Variants in HERC6 observed in about 807,000 individuals in gnomAD.
The protein encoded by HERC6 is HECT and RLD domain containing E3 ubiquitin protein ligase family member 6, also known as probable E3 ubiquitin-protein ligase HERC6.
In HERC6, 101 loss-of-function variants were observed where a neutral mutation model predicts 114.5. The ratio of observed to expected loss-of-function variants is 0.88; its 90% CI spans 0.75 to 1.04. The LOEUF (loss-of-function observed/expected upper bound fraction) is 1.04, where lower values mean the gene tolerates loss of function less well. Ranked by LOEUF, HERC6 falls within the 50% of genes least tolerant of loss-of-function variation. The pLI is 0.00. For missense variants in HERC6, 1,133 were observed against 1,230.9 expected, an observed-to-expected ratio of 0.92 and a Z score of 1.19; for synonymous variants, 408 against 436.2, an observed-to-expected ratio of 0.94 and a Z score of 0.81.
chr4:88,404,828 T>C, intron 8 of HERC6, 48 bp from the exon 9 acceptor site: 1 of 1,604,118 alleles, frequency 6.2e-7, no homozygotes, highest in South Asian at 1.1e-5. Flanking sequence ...AATTTACTAC[T>C]GAACGTGTGT....
intron 7 of HERC6, 103 bp downstream of exon 7, chr4:88,397,090 T>C: frequency 1.1e-6 from 1 of 917,376 alleles, no homozygotes; most frequent in Non-Finnish European, 1.5e-6. Flanking sequence ...GTAGTTCCCC[T>C]AGTACTTTTA....
chr4:88,385,959 T>G (rs551607935), intron 3 of HERC6, among the ~76,000 whole-genome samples: 4 of 152,240 alleles, frequency 2.6e-5, no homozygotes, highest in African/African-American at 9.6e-5. Flanking sequence ...TCTATATTTT[T>G]TCTTTTTAAA....
intron 1 of HERC6, among the ~76,000 whole-genome samples, chr4:88,382,027 GAA>G (rs778410066): frequency 1.2e-4 from 18 of 152,072 alleles, no homozygotes; most frequent in Non-Finnish European, 2.2e-4. Flanking sequence ...CCCTCATTTG[GAA>G]ATGAAGGGCA....
At chr4:88,401,022 A>G in intron 8 of HERC6, among the ~76,000 whole-genome samples, 1 of 152,112 alleles carries the variant, frequency 6.6e-6, no homozygotes, top group Admixed American at 6.6e-5. Flanking sequence ...ACCAGTGCAT[A>G]GTTTATTTTT....
chr4:88,396,471 A>G (rs1022592187), intron 6 of HERC6, among the ~76,000 whole-genome samples: 1 of 152,198 alleles, frequency 6.6e-6, no homozygotes, highest in East Asian at 1.9e-4. Flanking sequence ...GCAGAAGATG[A>G]TGTATATTTA....
intron 17 of HERC6, among the ~76,000 whole-genome samples, chr4:88,432,996 G>C (rs1738394785): frequency 6.6e-6 from 1 of 152,068 alleles, no homozygotes; most frequent in Non-Finnish European, 1.5e-5. Context: ...GCTGAGGCAG[G>C]AGAACTGCTT....
rs1296289253 is a variant in HERC6, at chr4:88,440,018, C to CA, written c.2701dup (p.Ile901AsnfsTer5). On this transcript the variant is annotated frameshift_variant, in exon 21 of 23. Transcript: ENST00000264346. LOFTEE classifies it high-confidence loss of function. ...ACCCTGAAGAACTAATGACAGCAAT[C>CA]ATTGGAAATACTGATTATGACTGGA... 6.2e-7 allele frequency: 1 copy of CA among 1,610,906 alleles called. No homozygotes were observed. Among genetic ancestry groups the CA allele is most frequent in the Non-Finnish European group, 8.5e-7 (1 of 1,179,136 alleles).
At chr4:88,393,262 G>A (rs1247570756) in intron 4 of HERC6, among the ~76,000 whole-genome samples, 1 of 148,278 alleles carries the variant, frequency 6.7e-6, no homozygotes, top group South Asian at 2.1e-4. Flanking sequence ...TTATGTTAAT[G>A]AATTATAAAA....
chr4:88,408,622 T>C lies in HERC6; in HGVS notation c.1368+5T>C. On this transcript the variant is annotated splice_donor_5th_base_variant and intron_variant, in intron 11 of 22. Transcript: ENST00000264346. The stretch of plus-strand genomic sequence containing the variant: ...AAGGAATGGATTTCTTCCATGGTAA[T>C]AGCCAATACTTACTTTAGATATAGA... The C allele has an allele frequency of 1.3e-6, 2 of 1,507,718 alleles. No homozygotes were observed. Among genetic ancestry groups the C allele is most frequent in the Admixed American group, 1.9e-5 (1 of 53,008 alleles). 93.4% of individuals were successfully genotyped at this position (1,507,718 alleles called of 1,614,324 possible). A position where few individuals can be genotyped will look rare whatever the true frequency, so the allele number is the denominator to read the frequency against.
intron 1 of HERC6, among the ~76,000 whole-genome samples, chr4:88,381,792 G>A (rs567968625): frequency 1.1e-4 from 17 of 152,004 alleles, no homozygotes; most frequent in Admixed American, 3.9e-4. Context: ...TCCTGACCTC[G>A]TGATCCACCC....
At chr4:88,407,779 T>TAAAAC (rs1735884455) in intron 10 of HERC6, among the ~76,000 whole-genome samples, 1 of 152,174 alleles carries the variant, frequency 6.6e-6, no homozygotes, top group African/African-American at 2.4e-5. Context: ...CAAATATCAC[T>TAAAAC]AAAACAACTT....
At chr4:88,423,324 A>C (rs369972570) in intron 13 of HERC6, among the ~76,000 whole-genome samples, 1 of 152,124 alleles carries the variant, frequency 6.6e-6, no homozygotes, top group East Asian at 1.9e-4. Flanking sequence ...TGTATCCTAA[A>C]TTCCTGGTAA....
chr4:88,384,948 G>A (rs1052593866), intron 2 of HERC6, among the ~76,000 whole-genome samples: 4 of 152,032 alleles, frequency 2.6e-5, no homozygotes, highest in African/African-American at 4.8e-5. Flanking sequence ...ACTTGAACCC[G>A]GGAGGAGGAG....
At chr4:88,426,059 A>G (rs7439793) in intron 15 of HERC6, among the ~76,000 whole-genome samples, 1 of 152,188 alleles carries the variant, frequency 6.6e-6, no homozygotes, top group African/African-American at 2.4e-5. Context: ...CCAATGTGCC[A>G]TGCCCCATAA....
intron 10 of HERC6, among the ~76,000 whole-genome samples, chr4:88,406,904 GCA>G (rs1735840062): frequency 6.6e-6 from 1 of 151,882 alleles, no homozygotes; most frequent in Non-Finnish European, 1.5e-5. Flanking sequence ...TTACAGGTGT[GCA>G]CCACCACACC....
chr4:88,435,921 G>A (rs1738687890), intron 18 of HERC6, 30 bp downstream of exon 18: 7 of 1,521,090 alleles, frequency 4.6e-6, no homozygotes, highest in South Asian at 1.3e-5. Context: ...TTTCAGGACC[G>A]TATCTAGTAA....
intron 1 of HERC6, among the ~76,000 whole-genome samples, chr4:88,381,968 A>G (rs1734349725): frequency 6.6e-6 from 1 of 152,070 alleles, no homozygotes; most frequent in Admixed American, 6.6e-5. Flanking sequence ...TTGATTCTCA[A>G]TTGCCTTCAG....
chr4:88,393,232 C>T (rs1024595751), intron 4 of HERC6, among the ~76,000 whole-genome samples: 1 of 151,046 alleles, frequency 6.6e-6, no homozygotes, highest in Non-Finnish European at 1.5e-5. Context: ...TCTTATACTT[C>T]GGATTGTTTA....
Position 88,442,737 on chromosome 4 carries a change from G to A in HERC6, c.*277G>A, listed in dbSNP as rs1207921858. On this transcript the variant is annotated 3_prime_UTR_variant, in exon 23 of 23. Coordinates refer to ENST00000264346, the MANE Select transcript of HERC6 (RefSeq NM_017912.4). ...CTGGCCTGTGATTGGTCCATTCCAG[G>A]ACCTTCATTTGCATAAGGTATCAAA... 2.4e-5 allele frequency: 11 copies of A among 460,786 alleles called. No individual in the cohort carries two copies. The highest frequency in any genetic ancestry group is 2.1e-4 in the Admixed American group (6 of 29,082). 28.5% of individuals were successfully genotyped at this position (460,786 alleles called of 1,614,324 possible).
Sources: allele counts gnomAD v4.1 joint callset (sites outside exome capture counted in the v4.1 genomes callset), GRCh38; gene constraint gnomAD v4.1.1; transcripts MANE v1.5; gene names NCBI Gene and HGNC (gene_info 2026-07-23, HGNC 2026-07-21).